CHODL: variants seen among roughly 807,000 people sequenced by gnomAD.
CHODL encodes transmembrane protein MT75.
A neutral mutation model predicts 34.5 loss-of-function variants in CHODL; 29 were observed. The observed-to-expected ratio is 0.84, with a 90% CI of 0.63 to 1.15. The LOEUF is 1.15. CHODL is among the 50% of genes most tolerant of loss of function. The probability of loss-of-function intolerance (pLI) is 0.00; values close to 1 mark genes in which losing one functional copy is unlikely to be tolerated. For missense variants in CHODL, 332 were observed against 332.5 expected (o/e 1.00, Z 0.01); for synonymous variants, 125 against 116.1 (o/e 1.08, Z -0.49).
At chr21:18,144,886 A>C (rs566267984) in intron 2 of CHODL, among the ~76,000 whole-genome samples, 4 of 150,826 alleles carry the variant, frequency 2.7e-5, no homozygotes, top group Non-Finnish European at 5.9e-5. Flanking sequence ...TCAGAATCAC[A>C]TTAACAAAGT....
At chr21:18,224,966 G>A (rs1319271937) in intron 2 of CHODL, among the ~76,000 whole-genome samples, 3 of 152,038 alleles carry the variant, frequency 2.0e-5, no homozygotes, top group Non-Finnish European at 2.9e-5. Flanking sequence ...ATACAGATGT[G>A]TTCACTTTGT....
At chr21:18,105,083 A>G (rs1221818625) in intron 2 of CHODL, among the ~76,000 whole-genome samples, 1 of 152,218 alleles carries the variant, frequency 6.6e-6, no homozygotes, top group African/African-American at 2.4e-5. Context: ...GAAAGGGTAG[A>G]TATTTTTTCT....
rs2065137398 is a variant in CHODL at position 18,096,158 on chromosome 21, A to G, written c.-45+68187A>G. Among the ~76,000 whole-genome samples the G allele has an allele frequency of 1.3e-5, 2 of 152,168 alleles. 1 individual carries two copies. The highest frequency in any genetic ancestry group is 4.1e-4 in the South Asian group (2 of 4,832). ...TTCATGGACATTGATCACTTCCCCA[A>G]TCAATACTCTTGTAATTTCCTATCC... On this transcript the variant is annotated intron_variant, in intron 2 of 6. Transcript: ENST00000400127.
Position 18,265,237 on chromosome 21 carries a change from A to G in CHODL, c.738-717A>G, listed in dbSNP as rs925977570. On this transcript the variant is annotated intron_variant, in intron 5 of 5. Transcript: ENST00000299295. Reference sequence around the variant, plus strand: ...TGTATGTGTATATATATATGTGTGTATATATATATGTGTATATATATGTGT... The same window carrying G: ...TGTATGTGTATATATATATGTGTGTGTATATATATGTGTATATATATGTGT... Among the ~76,000 whole-genome samples the G allele has an allele frequency of 5.5e-5, 8 of 144,618 alleles. No homozygotes were observed. The East Asian group carries it at 1.0e-3, about 18-fold the overall frequency. The allele number at this position is 144,618 out of a possible 152,430, so 94.9% of individuals were successfully genotyped here.
intron 2 of CHODL, among the ~76,000 whole-genome samples, chr21:18,160,229 G>A (rs9983949): frequency 0.42 from 64,388 of 151,952 alleles, 14,476 homozygotes; most frequent in African/African-American, 0.58. Flanking sequence ...GGTAAGTTAA[G>A]GGACAAGGTC....
chr21:18,104,743 A>G (rs2065254295), intron 2 of CHODL, among the ~76,000 whole-genome samples: 1 of 152,212 alleles, frequency 6.6e-6, no homozygotes, highest in African/African-American at 2.4e-5. Context: ...TTTACAGCCT[A>G]TTTACCAATT....
At position 17,961,048 on chromosome 21, in the gene CHODL, G is replaced by A. The variant is rs562411367; in HGVS notation, c.-145+43648G>A. The stretch of plus-strand genomic sequence containing the variant: ...TCTCTCTCCTAAGACATACAAAGAC[G>A]TGCCTTTGTCATCCCCTATATTCCG... On this transcript the variant is annotated intron_variant, in intron 1 of 6. Coordinates refer to the CHODL transcript ENST00000400127. 5.8e-4 allele frequency among the ~76,000 whole-genome samples: 88 copies of A among 152,110 alleles called. 4 individuals carry two copies. In the South Asian group the frequency reaches 0.017, roughly 30 times the overall value.
chr21:18,147,995 G>A (rs1208507542), intron 2 of CHODL, among the ~76,000 whole-genome samples: 5 of 152,114 alleles, frequency 3.3e-5, no homozygotes, highest in African/African-American at 9.7e-5. Flanking sequence ...AAGGAAATCC[G>A]ATGGGTCCTT....
At chr21:18,179,227 T>C (rs918468584) in intron 2 of CHODL, among the ~76,000 whole-genome samples, 1 of 152,076 alleles carries the variant, frequency 6.6e-6, no homozygotes, top group African/African-American at 2.4e-5. Context: ...TCTCCTTTGG[T>C]CTCTATTTGT....
In CHODL at chr21:18,254,134, C is replaced by CTT. The variant is rs34046207; in HGVS notation, c.80-2365_80-2364dup. On this transcript the variant is annotated intron_variant, in intron 1 of 5. Coordinates refer to ENST00000299295, the MANE Select transcript of CHODL (RefSeq NM_024944.3). ...GTAATTAAAGTACAAAGTTTGAATG[C>CTT]TTTTTTTTTTTGCCAGTATTTAAAT... 3.6e-3 allele frequency among the ~76,000 whole-genome samples: 525 copies of CTT among 145,526 alleles called. 4 individuals are homozygous for CTT. Among genetic ancestry groups the CTT allele is most frequent in the African/African-American group, 0.012 (488 of 39,912 alleles).
At chr21:18,126,434 A>T (rs1414641754) in intron 2 of CHODL, among the ~76,000 whole-genome samples, 1 of 152,224 alleles carries the variant, frequency 6.6e-6, no homozygotes, top group Non-Finnish European at 1.5e-5. Context: ...CTTTATTGCT[A>T]TATTCACTTT....
chr21:18,260,165 T>C (rs1358736882), intron 3 of CHODL, 35 bp from the exon 4 acceptor site: 1 of 941,112 alleles, frequency 1.1e-6, no homozygotes, highest in Non-Finnish European at 1.5e-6. Flanking sequence ...TCTTGTTTAA[T>C]CATTATATAT....
intron 2 of CHODL, among the ~76,000 whole-genome samples, chr21:18,047,405 C>G (rs767215472): frequency 4.0e-5 from 6 of 151,870 alleles, no homozygotes; most frequent in Non-Finnish European, 5.9e-5. Flanking sequence ...CTTCCCCTCT[C>G]AAACTTTGGA....
intron 1 of CHODL, among the ~76,000 whole-genome samples, chr21:18,016,262 C>T (rs983188898): frequency 2.0e-5 from 3 of 152,216 alleles, no homozygotes; most frequent in East Asian, 1.9e-4. Context: ...ACCCTGCATC[C>T]TAGCTGCTTC....
intron 2 of CHODL, among the ~76,000 whole-genome samples, chr21:18,128,729 GTT>G (rs973045719): frequency 6.6e-6 from 1 of 151,660 alleles, no homozygotes. Flanking sequence ...GTCTTAATCT[GTT>G]TTTTTTCTCC....
Position 18,256,613 on chromosome 21 carries a change from G to C in CHODL, c.184G>C (p.Glu62Gln). The C allele has an allele frequency of 6.2e-7, 1 of 1,614,036 alleles. No individual in the cohort carries two copies. Among genetic ancestry groups the C allele is most frequent in the African/African-American group, 1.3e-5 (1 of 75,012 alleles). The change falls in exon 2 of 6, where the codon GAG (glutamate) becomes CAG (glutamine). Residue 62 changes from glutamate (E) to glutamine (Q), a missense_variant. Transcript: ENST00000299295. ...VSFQEARLAC[E>Q]SEGGVLLSLE... is the part of the protein sequence containing the mutation. ...CTTTCAGGAGGCACGCCTGGCTTGT[G>C]AGAGTGAGGGAGGAGTCCTCCTCAG...
At chr21:18,010,297 C>CAAAAAAAAAA (rs71189576) in intron 1 of CHODL, among the ~76,000 whole-genome samples, 15 of 38,534 alleles carry the variant, frequency 3.9e-4, no homozygotes, top group Admixed American at 9.9e-4. Context: ...ACTCCCGTCT[C>CAAAAAAAAAA]AAAAAAAAAA....
chr21:18,188,650 G>C (rs1245218765), intron 2 of CHODL, among the ~76,000 whole-genome samples: 1 of 152,174 alleles, frequency 6.6e-6, no homozygotes, highest in Non-Finnish European at 1.5e-5. Context: ...TTTGGTCTTG[G>C]ATCCCCAAAG....
chr21:18,086,315 C>T (rs1301590282), intron 2 of CHODL, among the ~76,000 whole-genome samples: 1 of 151,842 alleles, frequency 6.6e-6, no homozygotes, highest in Non-Finnish European at 1.5e-5. Context: ...GATTGAGCTC[C>T]TTTTAAATCA....
Sources: allele counts gnomAD v4.1 joint callset (sites outside exome capture counted in the v4.1 genomes callset), GRCh38; gene constraint gnomAD v4.1.1; transcripts MANE v1.5; gene names NCBI Gene and HGNC (gene_info 2026-07-23, HGNC 2026-07-21).